The following ZNF783 variants were observed in gnomAD, a reference collection of about 807,000 sequenced individuals.
The protein encoded by ZNF783 is protein ZNF783.
A neutral mutation model predicts 31.3 loss-of-function variants in ZNF783; 25 were observed. The ratio of observed to expected loss-of-function variants is 0.80; its 90% confidence interval spans 0.58 to 1.11. The LOEUF (loss-of-function observed/expected upper bound fraction) is 1.11. ZNF783 is among the 50% of genes most tolerant of loss of function. The pLI is 0.00. For synonymous variants in ZNF783, 369 were observed against 319.1 expected (o/e 1.16, Z -1.66); for missense variants, 797 against 760.0 (o/e 1.05, Z -0.57).
intron 4 of ZNF783, chr7:149,276,404 C>T: frequency 1.0e-6 from 1 of 987,644 alleles, no homozygotes; most frequent in Non-Finnish European, 1.2e-6. Flanking sequence ...TTTTTAGGAT[C>T]TGCTGATGAA....
rs1274422827 is a variant in ZNF783, at chr7:149,282,405, T to A, written c.*62T>A. ...TCTCCCCTGTGCCTGACGCAGGTTC[T>A]TCCTTTTCCTGGGATGGAGAGAGGT... On this transcript the variant is annotated 3_prime_UTR_variant, in exon 6 of 6. Transcript: ENST00000434415. 7.5e-7 allele frequency: 1 copy of A among 1,324,838 alleles called. No individual in the cohort carries two copies. Among genetic ancestry groups the A allele is most frequent in the African/African-American group, 1.5e-5 (1 of 66,496 alleles). 82.1% of individuals were successfully genotyped at this position (1,324,838 alleles called of 1,614,324 possible).
At position 149,282,506 on chromosome 7, in the gene ZNF783, T is replaced by G; in HGVS notation, c.*163T>G. On this transcript the variant is annotated 3_prime_UTR_variant, in exon 6 of 6. Transcript: ENST00000434415. ...TTGTGTGTGACCGGGTGCTTTCTGT[T>G]TCCTGTTTGCACTCTTCGCTGCCTT... 1 of 651,156 alleles carries G rather than the reference T, an allele frequency of 1.5e-6. No homozygotes were observed. Among genetic ancestry groups the G allele is most frequent in the Non-Finnish European group, 2.5e-6 (1 of 397,794 alleles). The allele number at this position is 651,156 out of a possible 1,614,324, so 40.3% of individuals were successfully genotyped here.
At chr7:149,263,592 G>A (rs1255523334) in intron 1 of ZNF783, among the ~76,000 whole-genome samples, 1 of 152,068 alleles carries the variant, frequency 6.6e-6, no homozygotes, top group East Asian at 1.9e-4. Flanking sequence ...CCTGGAGAAG[G>A]AAGAATCACA....
intron 4 of ZNF783, chr7:149,276,534 T>C: frequency 2.0e-6 from 2 of 985,424 alleles, no homozygotes; most frequent in South Asian, 4.7e-5. Flanking sequence ...ACAGACTCAA[T>C]TGGATTATTA....
rs375086031 is a variant in ZNF783 at position 149,267,129 on chromosome 7, C to T, written c.580C>T (p.Arg194Trp). Residue 194 changes from arginine to tryptophan, a missense_variant, in exon 4 of 6, where the codon CGG (arginine) becomes TGG (tryptophan). By Grantham distance (101) the Arg-to-Trp change is moderately radical. Transcript: ENST00000434415. Reference protein sequence around the residue: ...YAISKPDILTRIERGEEPCLD... With the variant: ...YAISKPDILTWIERGEEPCLD... ...AATCTCCAAACCAGACATCCTCACCCGGATAGAGAGGGGAGAGGAGCCTTG... is the reference window on the plus strand; with the variant it reads ...AATCTCCAAACCAGACATCCTCACCTGGATAGAGAGGGGAGAGGAGCCTTG... The T allele has an allele frequency of 7.6e-5, 121 of 1,599,496 alleles. No homozygotes were observed. The highest frequency in any genetic ancestry group is 9.1e-5 in the Non-Finnish European group (107 of 1,179,788).
chr7:149,266,722 G>C lies in ZNF783; in HGVS notation c.412G>C (p.Ala138Pro), dbSNP rs200191576. 3 of 1,613,680 alleles carry C rather than the reference G, an allele frequency of 1.9e-6. No individual in the cohort carries two copies. The highest frequency in any genetic ancestry group is 1.7e-6 in the Non-Finnish European group (2 of 1,179,892). Residue 138 changes from alanine to proline, a missense_variant, in exon 2 of 6, where the codon GCC becomes CCC. Coordinates refer to ENST00000434415, the MANE Select transcript of ZNF783 (RefSeq NM_001195220.2). ...LRLPPGSKGEAPKVPVTFDDV... is the reference protein window; with the variant it reads ...LRLPPGSKGEPPKVPVTFDDV... ...GCTGCCCCCGGGCAGCAAGGGGGAG[G>C]CCCCCAAGGTAGCACCGGGACACCC...
chr7:149,262,254 T>G lies in ZNF783; in HGVS notation c.-80T>G. The G allele has an allele frequency of 7.9e-7, 1 of 1,268,544 alleles. No individual in the cohort carries two copies. The highest frequency in any genetic ancestry group is 4.0e-5 in the Admixed American group (1 of 25,252). The allele number at this position is 1,268,544 out of a possible 1,614,324, so 78.6% of individuals were successfully genotyped here. ...TCAGGTTAGGCGGGTCCCGCTCCGCTTCCGCCGTCGCTGCCGCGCCGCCCC... is the reference window on the plus strand; with the variant it reads ...TCAGGTTAGGCGGGTCCCGCTCCGCGTCCGCCGTCGCTGCCGCGCCGCCCC... On this transcript the variant is annotated 5_prime_UTR_variant, in exon 1 of 6. Transcript: ENST00000434415.
chr7:149,270,003 T>C (rs893113141), intron 4 of ZNF783, among the ~76,000 whole-genome samples: 2 of 152,178 alleles, frequency 1.3e-5, no homozygotes, highest in African/African-American at 2.4e-5. Context: ...CATGAACTCA[T>C]CATTTTTTAT....
intron 4 of ZNF783, among the ~76,000 whole-genome samples, chr7:149,269,961 G>A (rs901920826): frequency 6.6e-6 from 1 of 151,846 alleles, no homozygotes; most frequent in Non-Finnish European, 1.5e-5. Flanking sequence ...GAGAATGATG[G>A]TTTCCAGCTT....
chr7:149,267,302 C>A, intron 4 of ZNF783, 80 bp downstream of exon 4: 1 of 1,502,272 alleles, frequency 6.7e-7, no homozygotes, highest in Non-Finnish European at 8.8e-7. Flanking sequence ...GCTTCCCAGA[C>A]AATCAGGGAG....
chr7:149,281,663 C>T lies in ZNF783; in HGVS notation c.961C>T (p.Pro321Ser). 1 of 1,521,920 alleles carries T rather than the reference C, an allele frequency of 6.6e-7. No homozygotes were observed. Among genetic ancestry groups the T allele is most frequent in the Non-Finnish European group, 8.7e-7 (1 of 1,146,566 alleles). 94.3% of individuals were successfully genotyped at this position (1,521,920 alleles called of 1,614,324 possible). The change falls in exon 6 of 6, where the codon CCC (proline) becomes TCC (serine). Residue 321 changes from proline to serine, a missense_variant. By Grantham distance (74) the Pro-to-Ser change is moderately conservative. Coordinates refer to ENST00000434415, the MANE Select transcript of ZNF783 (RefSeq NM_001195220.2). Reference protein sequence around the residue: ...GPSRHQAQGMPRVRAGEPRPP... With the variant: ...GPSRHQAQGMSRVRAGEPRPP... The stretch of plus-strand genomic sequence containing the variant: ...CAGCCGTCATCAGGCCCAGGGCATG[C>T]CCAGGGTGCGGGCAGGGGAGCCACG...
In ZNF783 at chr7:149,282,299, G is replaced by A. The variant is rs1329303692; in HGVS notation, c.1597G>A (p.Gly533Arg). The change falls in exon 6 of 6, where the codon GGG (glycine) becomes AGG (arginine). Residue 533 changes from glycine to arginine, a missense_variant. By Grantham distance (125) the Gly-to-Arg change is moderately radical (BLOSUM62 -2). Coordinates refer to ENST00000434415, the MANE Select transcript of ZNF783 (RefSeq NM_001195220.2). Reference sequence around the variant, plus strand: ...CTTCCCTGCCGCCCCCGCCCGCCACGGGAGCCTGCCCCTGCCCTGGCCCAG... The same window carrying A: ...CTTCCCTGCCGCCCCCGCCCGCCACAGGAGCCTGCCCCTGCCCTGGCCCAG... Reference protein sequence around the residue: ...PHFPAAPARHGSLPLPWPSRK... With the variant: ...PHFPAAPARHRSLPLPWPSRK... The A allele has an allele frequency of 3.8e-6, 6 of 1,569,468 alleles. No individual in the cohort carries two copies. The highest frequency in any genetic ancestry group is 2.3e-5 in the East Asian group (1 of 43,302).
At chr7:149,268,225 A>G (rs1156863629) in intron 4 of ZNF783, among the ~76,000 whole-genome samples, 1 of 152,188 alleles carries the variant, frequency 6.6e-6, no homozygotes, top group Non-Finnish European at 1.5e-5. Flanking sequence ...TCACACCCAC[A>G]GAATATCAGA....
intron 4 of ZNF783, among the ~76,000 whole-genome samples, chr7:149,267,521 G>A (rs1797107858): frequency 6.6e-6 from 1 of 152,216 alleles, no homozygotes; most frequent in South Asian, 2.1e-4. Flanking sequence ...AGACTGGCCT[G>A]GCGCGGTGGC....
Position 149,266,604 on chromosome 7 carries a change from G to A in ZNF783, c.294G>A (p.Val98=). ...ACCAGCTGGAGGGCAAGTGGGCCGT[G>A]CTGGGGACCTTGCTGCAGGAGTACG... The part of the protein sequence containing the change: ...FGNQLEGKWA[V]LGTLLQEYGL... The change falls in exon 2 of 6, where the codon GTG becomes GTA. Residue 98 remains valine (V), a synonymous_variant. Transcript: ENST00000434415. 1 of 1,614,216 alleles carries A rather than the reference G, an allele frequency of 6.2e-7. No individual in the cohort carries two copies. The highest frequency in any genetic ancestry group is 8.5e-7 in the Non-Finnish European group (1 of 1,180,052).
chr7:149,262,204 G>T lies in ZNF783; in HGVS notation c.-130G>T. Reference sequence around the variant, plus strand: ...AGCGGGGCACGTGGCTCGGGACGCAGTTCGCTGCCGCCCGGCAGTAGCTCT... The same window carrying T: ...AGCGGGGCACGTGGCTCGGGACGCATTTCGCTGCCGCCCGGCAGTAGCTCT... On this transcript the variant is annotated 5_prime_UTR_variant, in exon 1 of 6. Coordinates refer to ENST00000434415, the MANE Select transcript of ZNF783 (RefSeq NM_001195220.2). 1.2e-6 allele frequency: 1 copy of T among 851,674 alleles called. No individual in the cohort carries two copies. The highest frequency in any genetic ancestry group is 1.6e-6 in the Non-Finnish European group (1 of 636,508). The allele number at this position is 851,674 out of a possible 1,614,324, so 52.8% of individuals were successfully genotyped here.
At chr7:149,266,754 G>T (rs36045700) in intron 2 of ZNF783, 24 bp downstream of exon 2, 125,389 of 1,613,272 alleles carry the variant, frequency 0.078, 5,335 homozygotes, top group African/African-American at 0.11. Flanking sequence ...ACCCTGGGGT[G>T]GGGGAGCTCG....
intron 4 of ZNF783, among the ~76,000 whole-genome samples, chr7:149,268,134 T>A (rs1194696464): frequency 2.0e-5 from 3 of 152,184 alleles, no homozygotes; most frequent in African/African-American, 7.2e-5. Context: ...TCACCAAAAC[T>A]CAACACTCTG....
At chr7:149,272,375 T>A (rs936991569) in intron 4 of ZNF783, among the ~76,000 whole-genome samples, 1 of 152,176 alleles carries the variant, frequency 6.6e-6, no homozygotes, top group African/African-American at 2.4e-5. Context: ...TAAATGAATA[T>A]GTTATTTGGG....
Sources: gnomAD v4.1 joint callset for allele counts (sites outside exome capture counted in the v4.1 genomes callset) on GRCh38, gnomAD v4.1.1 for gene constraint, MANE v1.5 for transcripts, NCBI Gene and HGNC (gene_info 2026-07-23, HGNC 2026-07-21) for gene names.